Variants in VPS13A observed in about 807,000 individuals in gnomAD.
VPS13A encodes intermembrane lipid transfer protein VPS13A.
VPS13A carries 264 observed loss-of-function variants against 390.9 expected under a neutral mutation model. That is an observed-to-expected ratio of 0.68 (90% CI 0.61 to 0.75). The LOEUF (loss-of-function observed/expected upper bound fraction) is 0.75, where lower values mean the gene tolerates loss of function less well. Ranked by LOEUF, VPS13A falls within the 30% of genes least tolerant of loss-of-function variation. The pLI, the probability that VPS13A is intolerant of heterozygous loss-of-function variation, is 0.00. For missense variants in VPS13A, 3,409 were observed against 3,733.9 expected, an observed-to-expected ratio of 0.91 and a Z score of 2.27; for synonymous variants, 1,231 against 1,227.1, an observed-to-expected ratio of 1.00 and a Z score of -0.07.
chr9:77,406,162 G>C (rs1468556270), intron 70 of VPS13A, among the ~76,000 whole-genome samples, 175 bp downstream of exon 70: 1 of 150,858 alleles, frequency 6.6e-6, no homozygotes, highest in Non-Finnish European at 1.5e-5. Flanking sequence ...AAAAAAACTA[G>C]GCCAAGAAAA....
chr9:77,411,694 A>G (rs1002412829), intron 71 of VPS13A, among the ~76,000 whole-genome samples: 4 of 149,020 alleles, frequency 2.7e-5, no homozygotes, highest in African/African-American at 9.9e-5. Context: ...AAGGAACTAG[A>G]GAAGCAAGAG....
At chr9:77,219,126 C>G (rs1823033894) in intron 10 of VPS13A, among the ~76,000 whole-genome samples, 1 of 151,060 alleles carries the variant, frequency 6.6e-6, no homozygotes, top group Non-Finnish European at 1.5e-5. Context: ...TCCAGGGTAG[C>G]TTCTGTCACC....
chr9:77,413,163 A>G (rs1461997618), intron 71 of VPS13A, among the ~76,000 whole-genome samples: 1 of 152,208 alleles, frequency 6.6e-6, no homozygotes, highest in Non-Finnish European at 1.5e-5. Context: ...GAAAATGCCC[A>G]TACTGCCCAA....
rs367713644 is a variant in VPS13A at position 77,337,500 on chromosome 9, G to T, written c.6341G>T (p.Arg2114Leu). 6.2e-7 allele frequency: 1 copy of T among 1,612,722 alleles called. No homozygotes were observed. ...CATTTGTGGCCACCTATCCTGCTCCGAAATCTTCTTCCTTACAAAATTGCT... is the reference window on the plus strand; with the variant it reads ...CATTTGTGGCCACCTATCCTGCTCCTAAATCTTCTTCCTTACAAAATTGCT... ...IMHLWPPILL[R>L]NLLPYKIAYY... The change falls in exon 47 of 72, where the codon CGA becomes CTA. Residue 2114 changes from arginine to leucine, a missense_variant. Around this residue, in one of 5 missense-constraint regions of VPS13A, gnomAD observed 2,717 missense variants for 2,917.4 expected, o/e 0.93. Transcript: ENST00000360280.
At chr9:77,261,504 C>T (rs1173858124) in intron 23 of VPS13A, among the ~76,000 whole-genome samples, 1 of 150,088 alleles carries the variant, frequency 6.7e-6, no homozygotes, top group Admixed American at 6.6e-5. Flanking sequence ...TACTTTTATT[C>T]ATAGGATAAA....
Position 77,283,624 on chromosome 9 carries a change from T to C in VPS13A, c.3313T>C (p.Ser1105Pro). Reference protein sequence around the residue: ...AKLRNIIVLDSDITAIYKKAV... With the variant: ...AKLRNIIVLDPDITAIYKKAV... ...GCTAAGGAATATAATTGTTTTAGAT[T>C]CTGATATAACAGCTATATACAAAAA... The change falls in exon 31 of 72, where the codon TCT (serine) becomes CCT (proline). Residue 1105 changes from serine (S) to proline (P), a missense_variant. Ser to Pro is a moderately conservative substitution (Grantham distance 74). This residue lies in a region of VPS13A where 2,717 missense variants were observed against 2,917.4 expected (regional missense o/e 0.93). Transcript: ENST00000360280. The C allele has an allele frequency of 6.2e-7, 1 of 1,611,724 alleles. No individual in the cohort carries two copies. Among genetic ancestry groups the C allele is most frequent in the Non-Finnish European group, 8.5e-7 (1 of 1,178,480 alleles).
intron 71 of VPS13A, among the ~76,000 whole-genome samples, chr9:77,413,309 T>C (rs1374738585): frequency 6.6e-6 from 1 of 152,022 alleles, no homozygotes; most frequent in Non-Finnish European, 1.5e-5. Context: ...AAGAACAAAG[T>C]TGGAGGCATC....
chr9:77,347,470 A>G (rs546365121), intron 52 of VPS13A, among the ~76,000 whole-genome samples: 1 of 152,010 alleles, frequency 6.6e-6, no homozygotes, highest in East Asian at 1.9e-4. Context: ...TTATTTGAGT[A>G]GATTTTTCTT....
At chr9:77,266,699 T>C (rs1014287704) in intron 23 of VPS13A, among the ~76,000 whole-genome samples, 1 of 152,188 alleles carries the variant, frequency 6.6e-6, no homozygotes, top group Non-Finnish European at 1.5e-5. Context: ...TGAATTTGAA[T>C]GTTGGCCTAT....
chr9:77,387,525 T>C (rs1268463910), intron 68 of VPS13A, among the ~76,000 whole-genome samples: 1 of 152,184 alleles, frequency 6.6e-6, no homozygotes, highest in Non-Finnish European at 1.5e-5. Flanking sequence ...ACCTGACGCT[T>C]GAATAACATA....
intron 22 of VPS13A, among the ~76,000 whole-genome samples, chr9:77,253,585 A>G (rs896042545): frequency 8.6e-5 from 13 of 152,004 alleles, no homozygotes; most frequent in African/African-American, 2.9e-4. Flanking sequence ...GATTACAGGC[A>G]TGAGCTGCCG....
intron 19 of VPS13A, among the ~76,000 whole-genome samples, chr9:77,246,210 T>C (rs1030762774): frequency 6.6e-6 from 1 of 152,224 alleles, no homozygotes; most frequent in African/African-American, 2.4e-5. Flanking sequence ...TAAATAGATA[T>C]TTAAAACAGA....
At chr9:77,183,275 A>C (rs564477033) in intron 1 of VPS13A, among the ~76,000 whole-genome samples, 5 of 152,338 alleles carry the variant, frequency 3.3e-5, no homozygotes, top group South Asian at 4.1e-4. Context: ...AAGTTTTAGC[A>C]TATATGTGCA....
intron 22 of VPS13A, among the ~76,000 whole-genome samples, chr9:77,254,808 T>A (rs1825347263): frequency 6.6e-6 from 1 of 152,216 alleles, no homozygotes; most frequent in African/African-American, 2.4e-5. Context: ...GATTGTTTAT[T>A]GTTAGTATGT....
chr9:77,235,639 T>C (rs1051594016), intron 17 of VPS13A, among the ~76,000 whole-genome samples: 3 of 152,212 alleles, frequency 2.0e-5, no homozygotes, highest in African/African-American at 7.2e-5. Flanking sequence ...AATGTCTTTT[T>C]CTTTTTCTCA....
intron 3 of VPS13A, 28 bp from the exon 4 acceptor site, chr9:77,205,284 TC>T: frequency 1.6e-6 from 2 of 1,258,530 alleles, no homozygotes; most frequent in African/African-American, 1.5e-5. Flanking sequence ...ATATTTTTTG[TC>T]CTTTTTTTTT....
chr9:77,183,515 T>G (rs762390074), intron 1 of VPS13A, among the ~76,000 whole-genome samples: 1 of 152,248 alleles, frequency 6.6e-6, no homozygotes, highest in Non-Finnish European at 1.5e-5. Context: ...TTCAGCATAA[T>G]TATTTTGAGA....
chr9:77,183,348 C>T (rs1344230750), intron 1 of VPS13A, among the ~76,000 whole-genome samples: 4 of 152,102 alleles, frequency 2.6e-5, no homozygotes, highest in Admixed American at 2.0e-4. Context: ...TTCCTTGTGC[C>T]TTTTTGTAAA....
chr9:77,273,099 A>C (rs72744218), intron 23 of VPS13A, among the ~76,000 whole-genome samples, 181 bp from the exon 24 acceptor site: 1 of 152,204 alleles, frequency 6.6e-6, no homozygotes, highest in East Asian at 1.9e-4. Flanking sequence ...TTGTAAAACT[A>C]CTTCTTTAAA....
Sources: gnomAD v4.1 joint callset for allele counts (sites outside exome capture counted in the v4.1 genomes callset) on GRCh38, gnomAD v4.1.1 for gene constraint, gnomAD v4.1.1 regional missense constraint, MANE v1.5 for transcripts, NCBI Gene and HGNC (gene_info 2026-07-23, HGNC 2026-07-21) for gene names.